The following CCDC91 variants were observed in gnomAD, a reference collection of about 807,000 sequenced individuals.
CCDC91 encodes coiled-coil domain-containing protein 91.
In CCDC91, 48 loss-of-function variants were observed where a neutral mutation model predicts 63.2. That is an observed-to-expected ratio of 0.76 (90% confidence interval 0.60 to 0.97). CCDC91 has a LOEUF of 0.97. Ranked by LOEUF, CCDC91 falls within the 50% of genes least tolerant of loss-of-function variation. The pLI, the probability that CCDC91 is intolerant of heterozygous loss-of-function variation, is 0.00. For synonymous variants in CCDC91, 167 were observed against 165.8 expected (o/e 1.01, Z -0.06); for missense variants, 500 against 494.6 (o/e 1.01, Z -0.10).
chr12:28,456,450 AG>A (rs1950062493), intron 11 of CCDC91, among the ~76,000 whole-genome samples: 1 of 152,170 alleles, frequency 6.6e-6, no homozygotes, highest in Admixed American at 6.6e-5. Flanking sequence ...ATGAAATTCT[AG>A]GGAAGACAAA....
At chr12:28,327,230 C>G (rs1941096533) in intron 6 of CCDC91, among the ~76,000 whole-genome samples, 1 of 152,032 alleles carries the variant, frequency 6.6e-6, no homozygotes, top group Non-Finnish European at 1.5e-5. Context: ...ATTTTCTTTT[C>G]TAACAAAGGG....
intron 6 of CCDC91, among the ~76,000 whole-genome samples, chr12:28,348,854 G>GA (rs1449050586): frequency 3.1e-4 from 47 of 152,100 alleles, no homozygotes; most frequent in Non-Finnish European, 5.6e-4. Context: ...CTCCTGAGTA[G>GA]CTGGGACTAC....
chr12:28,369,037 C>T (rs1395824698), intron 7 of CCDC91, among the ~76,000 whole-genome samples: 1 of 152,160 alleles, frequency 6.6e-6, no homozygotes, highest in East Asian at 1.9e-4. Context: ...TCATGTCATT[C>T]TGTCCCTGGC....
At chr12:28,225,030 G>A (rs948449577) in intron 1 of CCDC91, among the ~76,000 whole-genome samples, 8 of 152,182 alleles carry the variant, frequency 5.3e-5, no homozygotes, top group Admixed American at 2.0e-4. Context: ...GTGTAATTTA[G>A]TTGAAGAATT....
At chr12:28,485,219 C>T (rs755756645) in intron 12 of CCDC91, among the ~76,000 whole-genome samples, 15 of 151,334 alleles carry the variant, frequency 9.9e-5, no homozygotes, top group South Asian at 4.2e-4. Flanking sequence ...AGTGCAGTGG[C>T]GCGATCTCCG....
At chr12:28,391,495 C>A in intron 8 of CCDC91, 84 bp downstream of exon 8, 1 of 746,036 alleles carries the variant, frequency 1.3e-6, no homozygotes, top group Non-Finnish European at 2.2e-6. Context: ...TTATTCAGTT[C>A]TGTTCCATTT....
chr12:28,243,315 A>G (rs562777394), intron 1 of CCDC91, among the ~76,000 whole-genome samples: 1 of 152,302 alleles, frequency 6.6e-6, no homozygotes, highest in South Asian at 2.1e-4. Flanking sequence ...ACAACAACAT[A>G]GAGGAACTGG....
chr12:28,191,824 G>C (rs1194923977), intron 1 of CCDC91, among the ~76,000 whole-genome samples: 1 of 152,168 alleles, frequency 6.6e-6, no homozygotes, highest in Non-Finnish European at 1.5e-5. Context: ...ATGCCAGGCA[G>C]AGTGCACCTG....
At chr12:28,242,127 G>T (rs1272092262) in intron 1 of CCDC91, among the ~76,000 whole-genome samples, 4 of 150,058 alleles carry the variant, frequency 2.7e-5, no homozygotes, top group African/African-American at 9.9e-5. Context: ...ATTTTGTCTT[G>T]AGGTCTCTCA....
intron 8 of CCDC91, among the ~76,000 whole-genome samples, chr12:28,448,290 T>C (rs1351608141): frequency 6.6e-6 from 1 of 152,134 alleles, no homozygotes; most frequent in Non-Finnish European, 1.5e-5. Context: ...TAAAGCACTT[T>C]CAACAGTGCC....
intron 11 of CCDC91, among the ~76,000 whole-genome samples, chr12:28,455,520 A>T (rs984570211): frequency 6.6e-5 from 10 of 152,106 alleles, no homozygotes; most frequent in Non-Finnish European, 7.4e-5. Flanking sequence ...CTTTTAGGGA[A>T]AATCCCTCAA....
intron 8 of CCDC91, among the ~76,000 whole-genome samples, chr12:28,432,926 T>A (rs1948707993): frequency 6.6e-6 from 1 of 152,104 alleles, no homozygotes; most frequent in Non-Finnish European, 1.5e-5. Context: ...GACAGGTATG[T>A]AATAGTATCT....
intron 7 of CCDC91, among the ~76,000 whole-genome samples, chr12:28,377,508 G>A (rs570549354): frequency 4.6e-5 from 7 of 151,908 alleles, no homozygotes; most frequent in Admixed American, 2.0e-4. Flanking sequence ...ATTTAAAGGC[G>A]TATTTATGTT....
At chr12:28,523,273 A>G (rs577940692) in intron 12 of CCDC91, among the ~76,000 whole-genome samples, 5 of 152,240 alleles carry the variant, frequency 3.3e-5, no homozygotes, top group Admixed American at 6.5e-5. Context: ...TTGGGTGCAT[A>G]TATATTTAGG....
chr12:28,292,870 T>G (rs1949334386), intron 3 of CCDC91, among the ~76,000 whole-genome samples: 1 of 152,122 alleles, frequency 6.6e-6, no homozygotes, highest in South Asian at 2.1e-4. Flanking sequence ...AGTGAATAAT[T>G]CTGTTTATGT....
chr12:28,208,960 C>G (rs981216472), intron 1 of CCDC91, among the ~76,000 whole-genome samples: 3 of 151,936 alleles, frequency 2.0e-5, no homozygotes, highest in African/African-American at 7.3e-5. Flanking sequence ...GCCACCATGC[C>G]CGGCTAATTT....
At chr12:28,199,932 T>G (rs79654578) in intron 1 of CCDC91, among the ~76,000 whole-genome samples, 2,522 of 150,280 alleles carry the variant, frequency 0.017, 65 homozygotes, top group African/African-American at 0.059. Context: ...TTGAATTTTA[T>G]CCTACTTTGA....
intron 12 of CCDC91, among the ~76,000 whole-genome samples, chr12:28,515,879 C>T (rs558463433): frequency 6.6e-6 from 1 of 151,954 alleles, no homozygotes; most frequent in South Asian, 2.1e-4. Flanking sequence ...GGACCCTCAC[C>T]TCCCCATCCA....
At chr12:28,269,573 A>G (rs2136349857) in intron 3 of CCDC91, among the ~76,000 whole-genome samples, 1 of 152,116 alleles carries the variant, frequency 6.6e-6, no homozygotes, top group Non-Finnish European at 1.5e-5. Flanking sequence ...CCATGACTCC[A>G]TTATTTTAAG....
Sources: gnomAD v4.1 joint callset for allele counts (sites outside exome capture counted in the v4.1 genomes callset) on GRCh38, gnomAD v4.1.1 for gene constraint, MANE v1.5 for transcripts, NCBI Gene and HGNC (gene_info 2026-07-23, HGNC 2026-07-21) for gene names.